ANP32B: variants seen among roughly 807,000 people sequenced by gnomAD.
ANP32B encodes the protein acidic leucine-rich nuclear phosphoprotein 32 family member B.
ANP32B carries 6 observed loss-of-function variants against 32.2 expected under a neutral mutation model. The ratio of observed to expected loss-of-function variants is 0.19; its 90% confidence interval spans 0.10 to 0.37. The LOEUF (loss-of-function observed/expected upper bound fraction) is 0.37, where lower values mean the gene tolerates loss of function less well. Among genes scored for constraint, ANP32B ranks in the 10% least tolerant of loss-of-function variants. The pLI is 1.00. For missense variants in ANP32B, 204 were observed against 289.2 expected (o/e 0.71, Z 2.14); for synonymous variants, 98 against 105.8 (o/e 0.93, Z 0.45).
At chr9:97,984,194 G>A (rs548168751) in intron 1 of ANP32B, among the ~76,000 whole-genome samples, 1,993 of 150,728 alleles carry the variant, frequency 0.013, 19 homozygotes, top group Non-Finnish European at 0.021. Context: ...AAGCCCCCTC[G>A]GGCGCCTGGA....
rs199552211 is a variant in ANP32B, at chr9:98,015,552, C to T, written c.*121C>T. ...ATACAAACCCCAGGACACCCACCCA[C>T]CCAAAGAGCCAAAGAATAGTTCCTG... is the stretch of plus-strand genomic sequence containing the variant. On this transcript the variant is annotated 3_prime_UTR_variant, in exon 7 of 7. Transcript: ENST00000339399. 2 of 1,412,186 alleles carry T rather than the reference C, an allele frequency of 1.4e-6. No individual in the cohort carries two copies. The highest frequency in any genetic ancestry group is 1.9e-6 in the Non-Finnish European group (2 of 1,080,128). The allele number at this position is 1,412,186 out of a possible 1,614,324, so 87.5% of individuals were successfully genotyped here. A position where few individuals can be genotyped will look rare whatever the true frequency, so the allele number is the denominator to read the frequency against.
chr9:98,006,208 ATTGC>A (rs1302589896), intron 4 of ANP32B, among the ~76,000 whole-genome samples: 4 of 152,180 alleles, frequency 2.6e-5, no homozygotes, highest in African/African-American at 9.7e-5. Flanking sequence ...TAATAAATCA[ATTGC>A]TTGCAGACTC....
At chr9:97,985,304 C>T (rs1337885775) in intron 1 of ANP32B, among the ~76,000 whole-genome samples, 2 of 152,118 alleles carry the variant, frequency 1.3e-5, no homozygotes, top group South Asian at 2.1e-4. Flanking sequence ...GCTCTCTAGT[C>T]TTTGAGGTCA....
At chr9:98,011,200 C>G in intron 4 of ANP32B, 71 bp from the exon 5 acceptor site, 1 of 1,506,722 alleles carries the variant, frequency 6.6e-7, no homozygotes, top group South Asian at 1.3e-5. Flanking sequence ...AGCCAGCCCA[C>G]AGATCCTCAA....
intron 2 of ANP32B, 51 bp from the exon 3 acceptor site, chr9:97,998,503 TTC>T (rs1827940282): frequency 1.3e-6 from 2 of 1,540,950 alleles, no homozygotes; most frequent in Admixed American, 2.2e-5. Flanking sequence ...CTTAAATGAT[TTC>T]TGTTTCTCTG....
At chr9:97,998,362 C>G (rs772398535) in intron 2 of ANP32B, among the ~76,000 whole-genome samples, 194 bp from the exon 3 acceptor site, 1 of 152,168 alleles carries the variant, frequency 6.6e-6, no homozygotes, top group Non-Finnish European at 1.5e-5. Flanking sequence ...TAGGAAAACA[C>G]AATACTTCTG....
intron 3 of ANP32B, among the ~76,000 whole-genome samples, chr9:98,001,161 C>G (rs1382297210): frequency 1.4e-5 from 2 of 142,306 alleles, no homozygotes; most frequent in Non-Finnish European, 3.1e-5. Flanking sequence ...AAACCCTTCT[C>G]CCCGCCACCC....
intron 1 of ANP32B, among the ~76,000 whole-genome samples, 177 bp downstream of exon 1, chr9:97,983,786 T>A (rs1405108153): frequency 6.6e-6 from 1 of 150,390 alleles, no homozygotes. Flanking sequence ...GAGGATTAAC[T>A]CTTTGCCGCC....
intron 2 of ANP32B, among the ~76,000 whole-genome samples, chr9:97,998,343 G>A (rs2131585687): frequency 6.6e-6 from 1 of 152,306 alleles, no homozygotes; most frequent in East Asian, 1.9e-4. Context: ...GCTGTTATTA[G>A]CAGCTGATTA....
chr9:97,987,772 T>G (rs1435327774), intron 1 of ANP32B: 1 of 152,198 alleles, frequency 6.6e-6, no homozygotes, highest in Non-Finnish European at 1.5e-5. Flanking sequence ...CCCAATTTAC[T>G]GAGAAAAAAT....
intron 2 of ANP32B, among the ~76,000 whole-genome samples, chr9:97,996,044 G>A (rs528307834): frequency 4.6e-5 from 7 of 151,614 alleles, no homozygotes; most frequent in Admixed American, 6.6e-5. Flanking sequence ...AGCAGTCTTC[G>A]TGAGTTTCAG....
At chr9:97,990,981 G>A (rs146336677) in intron 1 of ANP32B, among the ~76,000 whole-genome samples, 94 of 151,290 alleles carry the variant, frequency 6.2e-4, no homozygotes, top group African/African-American at 2.0e-3. Flanking sequence ...CACCATGCCC[G>A]GCACATTTTT....
rs562040154 is a variant in ANP32B at position 98,005,274 on chromosome 9, A to T, written c.517+121A>T. 3 of 894,822 alleles carry T rather than the reference A, an allele frequency of 3.4e-6. No individual in the cohort carries two copies. The African/African-American group carries it at 5.1e-5, about 15-fold the overall frequency. 55.4% of individuals were successfully genotyped at this position (894,822 alleles called of 1,614,324 possible). ...GTAATCCCAGCACTTTGGGTGGCCGAGGCAGGGGGCATTGCTTGAGCCCAG... is the reference window on the plus strand; with the variant it reads ...GTAATCCCAGCACTTTGGGTGGCCGTGGCAGGGGGCATTGCTTGAGCCCAG... On this transcript the variant is annotated intron_variant, in intron 4 of 6. Transcript: ENST00000339399.
intron 3 of ANP32B, among the ~76,000 whole-genome samples, chr9:98,000,760 A>C (rs1827975925): frequency 6.6e-6 from 1 of 151,922 alleles, no homozygotes; most frequent in Non-Finnish European, 1.5e-5. Context: ...ATCTCTACTA[A>C]AAATACAAAA....
At chr9:97,983,645 A>G in intron 1 of ANP32B, 36 bp downstream of exon 1, 4 of 1,504,636 alleles carry the variant, frequency 2.7e-6, no homozygotes, top group Non-Finnish European at 3.6e-6. Flanking sequence ...CTCTCCCCCG[A>G]TGACTTGCAT....
intron 2 of ANP32B, among the ~76,000 whole-genome samples, chr9:97,995,672 A>G (rs375492664): frequency 2.6e-5 from 4 of 151,992 alleles, no homozygotes; most frequent in Admixed American, 1.3e-4. Context: ...TGTAATCCCA[A>G]CACTTTGGGA....
At chr9:97,986,569 A>G (rs1827738502) in intron 1 of ANP32B, 1 of 152,284 alleles carries the variant, frequency 6.6e-6, no homozygotes, top group Non-Finnish European at 1.5e-5. Flanking sequence ...GTTTTCGCAC[A>G]GAGGCGTCAT....
At chr9:98,008,861 C>T (rs750304389) in intron 4 of ANP32B, among the ~76,000 whole-genome samples, 27 of 152,056 alleles carry the variant, frequency 1.8e-4, no homozygotes, top group Non-Finnish European at 3.5e-4. Flanking sequence ...AAACATAATG[C>T]GTTTGAATCA....
intron 4 of ANP32B, among the ~76,000 whole-genome samples, chr9:98,008,562 G>T (rs942880160): frequency 6.6e-6 from 1 of 152,166 alleles, no homozygotes; most frequent in Non-Finnish European, 1.5e-5. Context: ...AGTCGAGGTG[G>T]AATATCCTGA....
Sources: allele counts gnomAD v4.1 joint callset (sites outside exome capture counted in the v4.1 genomes callset), GRCh38; gene constraint gnomAD v4.1.1; transcripts MANE v1.5; gene names NCBI Gene and HGNC (gene_info 2026-07-23, HGNC 2026-07-21).